C19orf38: variants seen among roughly 807,000 people sequenced by gnomAD.
C19orf38 encodes protein HIDE1.
A neutral mutation model predicts 26.6 loss-of-function variants in C19orf38; 14 were observed. The observed-to-expected ratio is 0.53, with a 90% CI of 0.35 to 0.82. The LOEUF (loss-of-function observed/expected upper bound fraction) is 0.82, where lower values mean the gene tolerates loss of function less well. C19orf38 is among the 40% of genes least tolerant of loss of function. C19orf38 has a pLI of 0.01. For synonymous variants in C19orf38, 132 were observed against 128.5 expected, an observed-to-expected ratio of 1.03 and a Z score of -0.18; for missense variants, 261 against 299.5, an observed-to-expected ratio of 0.87 and a Z score of 0.95.
At chr19:10,847,324 G>A (rs945008326), upstream of C19orf38, among the ~76,000 whole-genome samples, 15 of 149,402 alleles carry the variant, frequency 1.0e-4, no homozygotes, top group South Asian at 2.1e-4. Flanking sequence ...CCCACTAGGC[G>A]TTGCATTTCC....
At chr19:10,861,724 C>T (rs1051851945) in intron 5 of C19orf38, among the ~76,000 whole-genome samples, 2 of 151,754 alleles carry the variant, frequency 1.3e-5, no homozygotes, top group African/African-American at 2.4e-5. Context: ...ATTACAGGCA[C>T]GTGCCACCAT....
intron 1 of C19orf38, among the ~76,000 whole-genome samples, chr19:10,841,502 C>A (rs865920477): frequency 1.3e-5 from 2 of 152,038 alleles, no homozygotes; most frequent in African/African-American, 4.8e-5. Flanking sequence ...CAAAAAAATA[C>A]CCTCTCGCGG....
chr19:10,869,105 G>A, intron 6 of C19orf38, 113 bp from the exon 7 acceptor site: 1 of 1,373,440 alleles, frequency 7.3e-7, no homozygotes. Flanking sequence ...GGTGGGGGCG[G>A]GATGAGAGGA....
At chr19:10,847,444 A>G (rs2073527146), upstream of C19orf38, among the ~76,000 whole-genome samples, 1 of 146,250 alleles carries the variant, frequency 6.8e-6, no homozygotes. Flanking sequence ...CGCGATCTCA[A>G]CTCACCACAA....
At chr19:10,839,546 C>T (rs2073464250) in intron 1 of C19orf38, among the ~76,000 whole-genome samples, 1 of 152,082 alleles carries the variant, frequency 6.6e-6, no homozygotes, top group South Asian at 2.1e-4. Flanking sequence ...TGCTTTTTGC[C>T]TCTAGGGATT....
chr19:10,839,267 G>C (rs981575731), intron 1 of C19orf38, among the ~76,000 whole-genome samples: 3 of 152,182 alleles, frequency 2.0e-5, no homozygotes, highest in South Asian at 2.1e-4. Flanking sequence ...TGGAGCCTCC[G>C]TGTTGGATAT....
intron 6 of C19orf38, among the ~76,000 whole-genome samples, chr19:10,868,064 T>G (rs926520678): frequency 1.3e-5 from 2 of 152,186 alleles, no homozygotes; most frequent in African/African-American, 4.8e-5. Flanking sequence ...TTGGCTGTTG[T>G]GCAGAACCGT....
At chr19:10,852,073 A>G (rs1422379577) in intron 2 of C19orf38, among the ~76,000 whole-genome samples, 1 of 151,846 alleles carries the variant, frequency 6.6e-6, no homozygotes, top group East Asian at 1.9e-4. Flanking sequence ...GATCATTTGA[A>G]TCTGGGAGGC....
chr19:10,850,209 C>A (rs1012051216), intron 1 of C19orf38, 50 bp from the exon 2 acceptor site: 2 of 1,478,336 alleles, frequency 1.4e-6, no homozygotes, highest in Non-Finnish European at 9.1e-7. Context: ...ATAGCCAGGG[C>A]AGCCTCCACT....
intron 1 of C19orf38, among the ~76,000 whole-genome samples, chr19:10,841,322 A>T (rs1287826658): frequency 2.0e-5 from 3 of 152,102 alleles, no homozygotes; most frequent in Non-Finnish European, 2.9e-5. Context: ...ATCTTTACAA[A>T]ATAATAAAAT....
At chr19:10,867,956 T>C (rs1244213485) in intron 6 of C19orf38, among the ~76,000 whole-genome samples, 1 of 152,062 alleles carries the variant, frequency 6.6e-6, no homozygotes, top group African/African-American at 2.4e-5. Flanking sequence ...CCCAGCCTGT[T>C]CTTCCTTTTT....
chr19:10,868,114 GC>G (rs1260758282), intron 6 of C19orf38, among the ~76,000 whole-genome samples: 4 of 152,174 alleles, frequency 2.6e-5, no homozygotes, highest in Non-Finnish European at 4.4e-5. Context: ...TGGAGTCTCT[GC>G]TTTCACTTCT....
chr19:10,844,318 G>A (rs183166692), upstream of C19orf38, among the ~76,000 whole-genome samples: 7 of 151,208 alleles, frequency 4.6e-5, no homozygotes, highest in East Asian at 7.8e-4. Context: ...CAGGAGAATC[G>A]CTTGAACCCA....
rs181910220 is a variant in C19orf38 at position 10,849,668 on chromosome 19, G to A, written c.32-591G>A. On this transcript the variant is annotated intron_variant, in intron 1 of 6. Transcript: ENST00000397820. The stretch of plus-strand genomic sequence containing the variant: ...GAGGCCACTGTACTCCAGCCTGGGC[G>A]ACAAAGCAAGATTTTGTCTCTAAAT... 2.6e-3 allele frequency among the ~76,000 whole-genome samples: 399 copies of A among 152,136 alleles called. 10 individuals carry two copies. Among genetic ancestry groups the A allele is most frequent in the Admixed American group, 0.022 (337 of 15,260 alleles).
chr19:10,840,947 TTTTGTTTG>T (rs569452694), intron 1 of C19orf38, among the ~76,000 whole-genome samples: 12 of 152,166 alleles, frequency 7.9e-5, no homozygotes, highest in Admixed American at 6.5e-4. Context: ...GTTTTGTATT[TTTTGTTTG>T]TTTGTTTGTT....
At position 10,869,213 on chromosome 19, in the gene C19orf38, CA is replaced by C; in HGVS notation, c.544-2del. 4 of 1,551,604 alleles carry C rather than the reference CA, an allele frequency of 2.6e-6. No individual in the cohort carries two copies. Among genetic ancestry groups the C allele is most frequent in the Non-Finnish European group, 3.5e-6 (4 of 1,146,954 alleles). On this transcript the variant is annotated splice_region_variant and splice_polypyrimidine_tract_variant and intron_variant, in intron 6 of 6. Coordinates refer to ENST00000397820, the MANE Select transcript of C19orf38 (RefSeq NM_001136482.3). ...ACTTCTGTGTTTCTTCTTACATGGA[CA>C]AAGAAAACGATGCCAGAAGAAGACC...
chr19:10,842,195 A>G, intron 1 of C19orf38: 1 of 1,529,732 alleles, frequency 6.5e-7, no homozygotes, highest in South Asian at 1.1e-5. Context: ...TGGTTCTGAA[A>G]TGGTATGAAA....
rs71164128 is a variant in C19orf38, at chr19:10,866,357, A to ATT, written c.544-2842_544-2841dup. ...AGGCGAGCGCCAGCATGCCCAGCTA[A>ATT]TTTTTTTTTTTTTTTTTTTTGTATT... On this transcript the variant is annotated intron_variant, in intron 6 of 6. Transcript: ENST00000397820. Among the ~76,000 whole-genome samples the ATT allele has an allele frequency of 5.3e-3, 660 of 125,610 alleles. 8 individuals carry two copies. Among genetic ancestry groups the ATT allele is most frequent in the South Asian group, 0.011 (42 of 3,856 alleles). 82.4% of individuals were successfully genotyped at this position (125,610 alleles called of 152,430 possible).
At chr19:10,839,449 C>T (rs11881156) in intron 1 of C19orf38, among the ~76,000 whole-genome samples, 22,757 of 152,152 alleles carry the variant, frequency 0.15, 1,752 homozygotes, top group Middle Eastern at 0.23. Context: ...GCTGAGGACT[C>T]TTTGCCCTCA....
Sources: gnomAD v4.1 joint callset for allele counts (sites outside exome capture counted in the v4.1 genomes callset) on GRCh38, gnomAD v4.1.1 for gene constraint, MANE v1.5 for transcripts, NCBI Gene and HGNC (gene_info 2026-07-23, HGNC 2026-07-21) for gene names.